Variants in TAOK3 observed in about 807,000 individuals in gnomAD.
TAOK3 encodes TAO kinase 3.
Under a neutral mutation model 120.4 loss-of-function variants are expected in TAOK3, and 40 were observed. That is an observed-to-expected ratio of 0.33 (90% confidence interval 0.26 to 0.43). The LOEUF (loss-of-function observed/expected upper bound fraction) is 0.43. Ranked by LOEUF, TAOK3 falls within the 20% of genes least tolerant of loss-of-function variation. The probability of loss-of-function intolerance (pLI) is 1.00; values close to 1 mark genes in which losing one functional copy is unlikely to be tolerated. For synonymous variants in TAOK3, 355 were observed against 387.5 expected (o/e 0.92, Z 0.99); for missense variants, 821 against 1,112.1 (o/e 0.74, Z 3.72).
At position 118,168,442 on chromosome 12, in the gene TAOK3, A is replaced by T. The variant is rs565934249; in HGVS notation, c.1899+4015T>A. 5.9e-5 allele frequency among the ~76,000 whole-genome samples: 9 copies of T among 152,378 alleles called. No homozygotes were observed. The South Asian group carries it at 1.7e-3, about 28-fold the overall frequency. ...TGATTATTTCACAATGTATACATAT[A>T]TCAAAACATCAAGTTGTATACCGTA... is the stretch of plus-strand genomic sequence containing the variant. On this transcript the variant is annotated intron_variant, in intron 17 of 20. Coordinates refer to ENST00000392533, the MANE Select transcript of TAOK3 (RefSeq NM_016281.4).
chr12:118,281,616 C>A (rs1315801164), intron 1 of TAOK3, among the ~76,000 whole-genome samples: 1 of 152,016 alleles, frequency 6.6e-6, no homozygotes, highest in African/African-American at 2.4e-5. Flanking sequence ...GAAACCCTGT[C>A]TCTACTAAAA....
At chr12:118,288,915 C>CAAAAA (rs34740967) in intron 1 of TAOK3, among the ~76,000 whole-genome samples, 2 of 94,180 alleles carry the variant, frequency 2.1e-5, no homozygotes, top group African/African-American at 4.1e-5. Context: ...GACTCTATCT[C>CAAAAA]AAAAAAAAAA....
rs530860107 is a variant in TAOK3 at position 118,316,450 on chromosome 12, G to C, written c.-193-49691C>G. Among the ~76,000 whole-genome samples the C allele has an allele frequency of 2.0e-5, 3 of 152,080 alleles. No homozygotes were observed. In the East Asian group the frequency reaches 5.8e-4, roughly 29 times the overall value. On this transcript the variant is annotated intron_variant, in intron 1 of 20. Transcript: ENST00000392533. ...TTTTTTTACTCTCTCTTAGAGGTGGGGTCTCGCTCTGTCATCCAGGCTGGA... is the reference window on the plus strand; with the variant it reads ...TTTTTTTACTCTCTCTTAGAGGTGGCGTCTCGCTCTGTCATCCAGGCTGGA...
chr12:118,324,165 G>C (rs2043833757), intron 1 of TAOK3, among the ~76,000 whole-genome samples: 1 of 152,104 alleles, frequency 6.6e-6, no homozygotes, highest in Non-Finnish European at 1.5e-5. Context: ...TCAGATAGCA[G>C]TATAAATATG....
chr12:118,228,002 T>C (rs1776549867), intron 9 of TAOK3, among the ~76,000 whole-genome samples: 1 of 152,176 alleles, frequency 6.6e-6, no homozygotes, highest in Non-Finnish European at 1.5e-5. Context: ...CTTAGATTTA[T>C]TATAATCTTG....
intron 17 of TAOK3, among the ~76,000 whole-genome samples, chr12:118,167,020 T>C (rs776600605): frequency 2.6e-5 from 4 of 152,200 alleles, no homozygotes; most frequent in Non-Finnish European, 4.4e-5. Context: ...CAAATTTTTA[T>C]GCTCAGGCTC....
Position 118,344,072 on chromosome 12 carries a change from A to G in TAOK3, c.-194+28576T>C, listed in dbSNP as rs182267032. ...GCTCTACAAGATTAAGAAAAGAAACAAAACCCTGTGTGGATTTTACAAATT... is the reference window on the plus strand; with the variant it reads ...GCTCTACAAGATTAAGAAAAGAAACGAAACCCTGTGTGGATTTTACAAATT... On this transcript the variant is annotated intron_variant, in intron 1 of 20. Coordinates refer to ENST00000392533, the MANE Select transcript of TAOK3 (RefSeq NM_016281.4). 1.9e-3 allele frequency among the ~76,000 whole-genome samples: 285 copies of G among 151,814 alleles called. 2 individuals are homozygous for G. Among genetic ancestry groups the G allele is most frequent in the African/African-American group, 6.2e-3 (256 of 41,394 alleles).
intron 19 of TAOK3, among the ~76,000 whole-genome samples, chr12:118,155,800 G>A (rs1158326997): frequency 6.6e-6 from 1 of 152,064 alleles, no homozygotes; most frequent in Admixed American, 6.6e-5. Context: ...GCAGTGGTGT[G>A]ATCATAGCTC....
At chr12:118,285,386 CTTGT>C (rs2042231939) in intron 1 of TAOK3, among the ~76,000 whole-genome samples, 1 of 151,128 alleles carries the variant, frequency 6.6e-6, no homozygotes. Context: ...AAGTCTTGCT[CTTGT>C]CCCCCAGGCT....
At position 118,238,158 on chromosome 12, in the gene TAOK3, G is replaced by A. The variant is rs1328458063; in HGVS notation, c.352C>T (p.Pro118Ser). The A allele has an allele frequency of 1.9e-6, 3 of 1,607,344 alleles. No individual in the cohort carries two copies. In the African/African-American group the frequency reaches 4.0e-5, roughly 22 times the overall value. ...ASDLLEVHKK[P>S]LQEVEIAAIT... ...GCAGCGATCTCCACTTCCTGAAGTGGTTTTTTATGAACTGAGGAAGGAAAA... is the reference window on the plus strand; with the variant it reads ...GCAGCGATCTCCACTTCCTGAAGTGATTTTTTATGAACTGAGGAAGGAAAA... The change falls in exon 7 of 21, where the codon CCA (proline) becomes TCA (serine). Residue 118 changes from proline (P) to serine (S), a missense_variant. Pro to Ser is a moderately conservative substitution (Grantham distance 74, BLOSUM62 -1). Coordinates refer to ENST00000392533, the MANE Select transcript of TAOK3 (RefSeq NM_016281.4).
At chr12:118,175,642 T>A (rs1241172909) in intron 16 of TAOK3, among the ~76,000 whole-genome samples, 1 of 151,606 alleles carries the variant, frequency 6.6e-6, no homozygotes, top group Non-Finnish European at 1.5e-5. Context: ...GAAAAAAAAA[T>A]AAAGAATATG....
At chr12:118,356,295 C>CT (rs949021724) in intron 1 of TAOK3, among the ~76,000 whole-genome samples, 1,624 of 109,286 alleles carry the variant, frequency 0.015, 17 homozygotes, top group Non-Finnish European at 0.022. Flanking sequence ...TGGTCACTTT[C>CT]TTTTTTTTTT....
rs757254127 is a variant in TAOK3, at chr12:118,150,896, G to C, written c.*101C>G. On this transcript the variant is annotated 3_prime_UTR_variant, in exon 21 of 21. Coordinates refer to ENST00000392533, the MANE Select transcript of TAOK3 (RefSeq NM_016281.4). The stretch of plus-strand genomic sequence containing the variant: ...TAAGAGTAAGAGAGAGAGAGAGTGA[G>C]AGCAACGCCCGTTAAAATGGGGAAT... 4.2e-6 allele frequency: 5 copies of C among 1,181,388 alleles called. No homozygotes were observed. The highest frequency in any genetic ancestry group is 2.5e-5 in the East Asian group (1 of 40,794). 73.2% of individuals were successfully genotyped at this position (1,181,388 alleles called of 1,614,324 possible).
At chr12:118,159,887 C>A in intron 19 of TAOK3, 1 of 521,978 alleles carries the variant, frequency 1.9e-6, no homozygotes, top group Non-Finnish European at 3.4e-6. Flanking sequence ...TGGTATCTAT[C>A]ACATTTGCCC....
At chr12:118,163,072 A>G (rs777104797) in intron 17 of TAOK3, among the ~76,000 whole-genome samples, 20 of 152,200 alleles carry the variant, frequency 1.3e-4, no homozygotes, top group Non-Finnish European at 2.2e-4. Context: ...AACCTGGGTC[A>G]ATTTATTTTC....
At chr12:118,168,137 T>C (rs1387297605) in intron 17 of TAOK3, among the ~76,000 whole-genome samples, 1 of 150,030 alleles carries the variant, frequency 6.7e-6, no homozygotes, top group Non-Finnish European at 1.5e-5. Flanking sequence ...TAATGGAGAC[T>C]GTTTGAGGGT....
At chr12:118,299,465 AATT>A in intron 1 of TAOK3, among the ~76,000 whole-genome samples, 1 of 152,270 alleles carries the variant, frequency 6.6e-6, no homozygotes, top group African/African-American at 2.4e-5. Context: ...TAATTTTGTG[AATT>A]ATTAACAGAG....
At chr12:118,249,425 G>A (rs902546491) in intron 3 of TAOK3, among the ~76,000 whole-genome samples, 7 of 151,994 alleles carry the variant, frequency 4.6e-5, no homozygotes, top group African/African-American at 1.7e-4. Flanking sequence ...AGCAGGGCGT[G>A]GTGGCACACG....
intron 9 of TAOK3, among the ~76,000 whole-genome samples, chr12:118,221,986 A>T (rs1006380431): frequency 9.9e-5 from 15 of 151,362 alleles, no homozygotes; most frequent in Non-Finnish European, 7.4e-5. Context: ...ACAAACGTTG[A>T]GCTAGCTACA....
Sources: gnomAD v4.1 joint callset for allele counts (sites outside exome capture counted in the v4.1 genomes callset) on GRCh38, gnomAD v4.1.1 for gene constraint, MANE v1.5 for transcripts, NCBI Gene and HGNC (gene_info 2026-07-23, HGNC 2026-07-21) for gene names.